USP39: variants seen among roughly 807,000 people sequenced by gnomAD.
The protein encoded by USP39 is ubiquitin carboxyl-terminal hydrolase 39.
Under a neutral mutation model 66.4 loss-of-function variants are expected in USP39, and 38 were observed. The ratio of observed to expected loss-of-function variants is 0.57; its 90% CI spans 0.44 to 0.75. The LOEUF (loss-of-function observed/expected upper bound fraction) is 0.75. USP39 is among the 30% of genes least tolerant of loss of function. USP39 has a pLI of 0.00. For synonymous variants in USP39, 303 were observed against 274.6 expected (o/e 1.10, Z -1.02); for missense variants, 608 against 714.4 (o/e 0.85, Z 1.70).
chr2:85,636,349 T>C (rs1675773808), intron 7 of USP39, among the ~76,000 whole-genome samples: 1 of 152,124 alleles, frequency 6.6e-6, no homozygotes, highest in African/African-American at 2.4e-5. Context: ...GTGCCTGTAG[T>C]CCCAGCGACT....
In USP39 at chr2:85,630,612, G is replaced by T. The variant is rs1222324320; in HGVS notation, c.724-109G>T. 3.8e-6 allele frequency: 4 copies of T among 1,051,146 alleles called. No homozygotes were observed. The East Asian group carries it at 7.3e-5, about 19-fold the overall frequency. The allele number at this position is 1,051,146 out of a possible 1,614,324, so 65.1% of individuals were successfully genotyped here. A position where few individuals can be genotyped will look rare whatever the true frequency, so the allele number is the denominator to read the frequency against. ...GTCCATTTACTTTTGGCTCTTTAAG[G>T]CCATCACAGGCACATCACAAATTCT... On this transcript the variant is annotated intron_variant, in intron 5 of 12. Coordinates refer to ENST00000323701, the MANE Select transcript of USP39 (RefSeq NM_006590.4).
chr2:85,622,813 G>A (rs1674562488), intron 3 of USP39, among the ~76,000 whole-genome samples: 1 of 152,054 alleles, frequency 6.6e-6, no homozygotes, highest in South Asian at 2.1e-4. Flanking sequence ...GGAGGCCGAG[G>A]AGGAGGATTG....
upstream of USP39, among the ~76,000 whole-genome samples, chr2:85,615,843 T>C (rs1378608283): frequency 6.6e-6 from 1 of 152,002 alleles, no homozygotes; most frequent in African/African-American, 2.4e-5. Context: ...TTGGTCAGGT[T>C]GGTCTCGAAC....
upstream of USP39, chr2:85,609,670 G>A (rs538575837): frequency 1.1e-4 from 161 of 1,521,816 alleles, no homozygotes; most frequent in African/African-American, 9.3e-4. Flanking sequence ...GAAAATATAC[G>A]GTTAGGAAAG....
chr2:85,615,778 G>T (rs1460376938), upstream of USP39, among the ~76,000 whole-genome samples: 1 of 152,182 alleles, frequency 6.6e-6, no homozygotes. Context: ...TTACAGGCAT[G>T]CGCCACAATG....
upstream of USP39, chr2:85,611,558 A>G: frequency 6.4e-7 from 1 of 1,551,058 alleles, no homozygotes; most frequent in Non-Finnish European, 8.7e-7. Flanking sequence ...CCGGAAAGAG[A>G]CGAGATGAGC....
Position 85,648,946 on chromosome 2 carries a change from G to C in USP39, c.*138G>C. On this transcript the variant is annotated 3_prime_UTR_variant, in exon 13 of 13. Transcript: ENST00000323701. ...TTGTATGGGTTCTGGCTACACCAGA[G>C]CACCAAGAGCCCACTTGCCTGGGAT... is the stretch of plus-strand genomic sequence containing the variant. The C allele has an allele frequency of 1.1e-6, 1 of 943,868 alleles. No individual in the cohort carries two copies. The highest frequency in any genetic ancestry group is 1.6e-6 in the Non-Finnish European group (1 of 608,362). 58.5% of individuals were successfully genotyped at this position (943,868 alleles called of 1,614,324 possible). A position where few individuals can be genotyped will look rare whatever the true frequency, so the allele number is the denominator to read the frequency against.
At chr2:85,621,248 A>C (rs1027674421) in intron 2 of USP39, 8 of 411,968 alleles carry the variant, frequency 1.9e-5, no homozygotes, top group Non-Finnish European at 3.1e-5. Context: ...GGTTACAAAC[A>C]CTAATGAGAA....
At chr2:85,609,690 T>C (rs1673380082), upstream of USP39, 7 of 1,449,162 alleles carry the variant, frequency 4.8e-6, no homozygotes, top group Admixed American at 1.3e-4. Context: ...GCCCCAGTCT[T>C]CTTTTTTTTG....
intron 1 of USP39, among the ~76,000 whole-genome samples, chr2:85,605,103 A>G (rs1673170248): frequency 6.6e-6 from 1 of 152,076 alleles, no homozygotes; most frequent in African/African-American, 2.4e-5. Context: ...TCTAGTTGTT[A>G]TGTTCCAACA....
chr2:85,636,841 A>G (rs1261273126), intron 7 of USP39, among the ~76,000 whole-genome samples: 1 of 152,180 alleles, frequency 6.6e-6, no homozygotes, highest in Admixed American at 6.5e-5. Context: ...CCTCTCTACC[A>G]GGTGTCTTCA....
upstream of USP39, chr2:85,611,908 A>G: frequency 6.3e-7 from 1 of 1,593,352 alleles, no homozygotes; most frequent in Non-Finnish European, 8.5e-7. Flanking sequence ...GATATGGTGC[A>G]CGAAGCCGTG....
intron 1 of USP39, among the ~76,000 whole-genome samples, chr2:85,605,926 C>T (rs1480515079): frequency 1.3e-5 from 2 of 152,202 alleles, no homozygotes; most frequent in African/African-American, 4.8e-5. Context: ...AAAAGCTTTA[C>T]ATTCTTTTCC....
intron 2 of USP39, 78 bp from the exon 3 acceptor site, chr2:85,621,407 C>T (rs943155022): frequency 2.4e-6 from 3 of 1,237,328 alleles, no homozygotes; most frequent in Middle Eastern, 1.9e-4. Flanking sequence ...TATCATGGGT[C>T]ACAGAGCCAG....
At chr2:85,648,112 C>A in intron 12 of USP39, 96 bp downstream of exon 12, 1 of 1,370,620 alleles carries the variant, frequency 7.3e-7, no homozygotes, top group Non-Finnish European at 1.0e-6. Flanking sequence ...GAGTTAGGAC[C>A]TTGGTTGGAG....
Position 85,623,626 on chromosome 2 carries a change from C to T in USP39, c.434-20C>T. 6.2e-7 allele frequency: 1 copy of T among 1,608,658 alleles called. No individual in the cohort carries two copies. Among genetic ancestry groups the T allele is most frequent in the Non-Finnish European group, 8.5e-7 (1 of 1,177,808 alleles). ...TCTAGTATCTGCCCTTCTATTACAG[C>T]TTTTCACCCTTCCCTACAGGCCGGG... On this transcript the variant is annotated intron_variant, in intron 3 of 12. Transcript: ENST00000323701.
intron 11 of USP39, 35 bp downstream of exon 11, chr2:85,645,118 G>A: frequency 1.2e-6 from 2 of 1,611,802 alleles, no homozygotes; most frequent in Non-Finnish European, 1.7e-6. Flanking sequence ...GGCACAGAGT[G>A]GCAAAAACAG....
intron 6 of USP39, among the ~76,000 whole-genome samples, chr2:85,635,051 G>A (rs575919764): frequency 2.6e-5 from 4 of 152,308 alleles, no homozygotes; most frequent in South Asian, 2.1e-4. Flanking sequence ...ATTAGTTGCC[G>A]AGTGTTTAGA....
intron 7 of USP39, among the ~76,000 whole-genome samples, chr2:85,637,060 G>A (rs943029723): frequency 2.0e-5 from 3 of 152,164 alleles, no homozygotes; most frequent in African/African-American, 4.8e-5. Flanking sequence ...TGTTTTGCTT[G>A]TGAATTTTTT....
Sources: allele counts gnomAD v4.1 joint callset (sites outside exome capture counted in the v4.1 genomes callset), GRCh38; gene constraint gnomAD v4.1.1; transcripts MANE v1.5; gene names NCBI Gene and HGNC (gene_info 2026-07-23, HGNC 2026-07-21).